RBFOX1: variants seen among roughly 807,000 people sequenced by gnomAD.
The protein encoded by RBFOX1 is RNA binding protein fox-1 homolog 1.
RBFOX1 carries 8 observed loss-of-function variants against 57.7 expected under a neutral mutation model. The observed-to-expected ratio is 0.14, with a 90% confidence interval of 0.08 to 0.25. RBFOX1 has a LOEUF of 0.25. Among genes scored for constraint, RBFOX1 ranks in the 10% least tolerant of loss-of-function variants. The pLI, the probability that RBFOX1 is intolerant of heterozygous loss-of-function variation, is 1.00. For synonymous variants in RBFOX1, 326 were observed against 222.4 expected, an observed-to-expected ratio of 1.47 and a Z score of -4.15; for missense variants, 611 against 548.5, an observed-to-expected ratio of 1.11 and a Z score of -1.14.
chr16:5,328,662 G>T (rs1273672345), intron 1 of RBFOX1, among the ~76,000 whole-genome samples: 1 of 152,186 alleles, frequency 6.6e-6, no homozygotes, highest in East Asian at 1.9e-4. Context: ...ATGCTCTCCA[G>T]CCCTGCCATA....
chr16:6,922,615 C>T (rs559791433), intron 3 of RBFOX1, among the ~76,000 whole-genome samples: 2 of 152,238 alleles, frequency 1.3e-5, no homozygotes, highest in South Asian at 2.1e-4. Context: ...CTTTTACTTG[C>T]TGACTGTTGA....
chr16:6,315,577 ATAGATGGATGGATGGATAGATGGATG>A (rs1321931833), intron 1 of RBFOX1, among the ~76,000 whole-genome samples: 12 of 71,886 alleles, frequency 1.7e-4, no homozygotes, highest in Admixed American at 1.5e-3. Context: ...GGATGGATGG[ATAGATGGATGGATGGATAGATGGATG>A]GATGAATGAG....
At chr16:7,221,157 T>G (rs1197533447) in intron 4 of RBFOX1, among the ~76,000 whole-genome samples, 1 of 152,066 alleles carries the variant, frequency 6.6e-6, no homozygotes, top group Non-Finnish European at 1.5e-5. Flanking sequence ...CTCTATAATA[T>G]CTCCCTGTGT....
At chr16:5,968,368 C>G (rs551148470) in intron 4 of RBFOX1, among the ~76,000 whole-genome samples, 136 of 152,290 alleles carry the variant, frequency 8.9e-4, no homozygotes, top group Middle Eastern at 3.4e-3. Flanking sequence ...AGCCACTGCC[C>G]TGGCCTCTCC....
intron 2 of RBFOX1, among the ~76,000 whole-genome samples, chr16:6,400,466 G>A (rs984606298): frequency 1.3e-5 from 2 of 152,184 alleles, no homozygotes; most frequent in Non-Finnish European, 2.9e-5. Context: ...AGCTATAGAT[G>A]CTGTAAATTT....
chr16:6,037,468 C>G (rs1300975483), intron 1 of RBFOX1: 2 of 148,328 alleles, frequency 1.3e-5, no homozygotes, highest in African/African-American at 5.0e-5. Flanking sequence ...ATAATACTTT[C>G]AAGTTTTCAA....
intron 4 of RBFOX1, among the ~76,000 whole-genome samples, chr16:7,468,732 A>T (rs559508003): frequency 6.6e-6 from 1 of 152,262 alleles, no homozygotes; most frequent in South Asian, 2.1e-4. Flanking sequence ...GTCTGGGGTC[A>T]GCCTCTGAGC....
At chr16:7,256,042 T>C (rs1352359184) in intron 4 of RBFOX1, among the ~76,000 whole-genome samples, 1 of 152,250 alleles carries the variant, frequency 6.6e-6, no homozygotes, top group African/African-American at 2.4e-5. Flanking sequence ...AATGAATACA[T>C]ACTGCCTTTG....
At chr16:6,544,432 G>C (rs1358182453) in intron 2 of RBFOX1, among the ~76,000 whole-genome samples, 1 of 152,182 alleles carries the variant, frequency 6.6e-6, no homozygotes, top group Non-Finnish European at 1.5e-5. Context: ...CACTGGTCCA[G>C]CTTAGTTGAA....
chr16:5,240,076 G>C, exon 1 of RBFOX1: 1 of 1,531,800 alleles, frequency 6.5e-7, no homozygotes, highest in Non-Finnish European at 8.7e-7. Flanking sequence ...GGAGGAGACC[G>C]GCACCCAGAC....
chr16:6,270,769 G>A (rs80195241), intron 1 of RBFOX1, among the ~76,000 whole-genome samples: 48 of 152,212 alleles, frequency 3.2e-4, no homozygotes, highest in South Asian at 8.3e-4. Context: ...AGCAGAAGGC[G>A]TTTCTTTTTC....
chr16:5,753,609 C>A (rs2053292377), intron 3 of RBFOX1, among the ~76,000 whole-genome samples: 1 of 152,102 alleles, frequency 6.6e-6, no homozygotes, highest in Admixed American at 6.5e-5. Flanking sequence ...TTTAAGGAAA[C>A]CTACCAGCTG....
At chr16:6,872,013 T>A (rs2060998134) in intron 3 of RBFOX1, among the ~76,000 whole-genome samples, 1 of 151,712 alleles carries the variant, frequency 6.6e-6, no homozygotes, top group African/African-American at 2.4e-5. Context: ...TACTCAATCC[T>A]ATTGTTCATT....
chr16:7,080,889 C>A (rs989936912), intron 4 of RBFOX1, among the ~76,000 whole-genome samples: 27 of 152,308 alleles, frequency 1.8e-4, no homozygotes, highest in Admixed American at 1.7e-3. Flanking sequence ...ATAAGTCATT[C>A]CCTCCTTGAC....
At chr16:7,122,971 C>T (rs2067538891) in intron 4 of RBFOX1, among the ~76,000 whole-genome samples, 1 of 151,846 alleles carries the variant, frequency 6.6e-6, no homozygotes, top group Non-Finnish European at 1.5e-5. Flanking sequence ...TGTATAAATC[C>T]ATTCCTATGA....
intron 4 of RBFOX1, among the ~76,000 whole-genome samples, chr16:7,230,529 C>T (rs990812992): frequency 6.6e-5 from 10 of 152,242 alleles, no homozygotes; most frequent in East Asian, 3.9e-4. Flanking sequence ...CACTGCTTGA[C>T]AGATTCAGCC....
chr16:6,170,451 T>C (rs2096951836), intron 1 of RBFOX1, among the ~76,000 whole-genome samples: 1 of 152,178 alleles, frequency 6.6e-6, no homozygotes, highest in Non-Finnish European at 1.5e-5. Context: ...CCTCTTCTGC[T>C]CTGAGCCCCG....
chr16:6,351,779 A>G lies in RBFOX1; in HGVS notation c.-64+34722A>G, dbSNP rs575568491. Among the ~76,000 whole-genome samples, 7 of 152,320 alleles carry G rather than the reference A, an allele frequency of 4.6e-5. No homozygotes were observed. The East Asian group carries it at 1.4e-3, about 29-fold the overall frequency. Reference sequence around the variant, plus strand: ...TATTCTCATATATTAAATACATGTTATTTCAGAAATGGAAGGCAAAATAAG... The same window carrying G: ...TATTCTCATATATTAAATACATGTTGTTTCAGAAATGGAAGGCAAAATAAG... On this transcript the variant is annotated intron_variant, in intron 2 of 15. Transcript: ENST00000550418.
intron 3 of RBFOX1, among the ~76,000 whole-genome samples, chr16:6,724,506 C>A (rs115615567): frequency 0.047 from 7,082 of 152,172 alleles, 504 homozygotes; most frequent in African/African-American, 0.15. Flanking sequence ...CCACACCTGG[C>A]TGCCATCTTC....
Sources: allele counts gnomAD v4.1 joint callset (sites outside exome capture counted in the v4.1 genomes callset), GRCh38; gene constraint gnomAD v4.1.1; transcripts MANE v1.5; gene names NCBI Gene and HGNC (gene_info 2026-07-23, HGNC 2026-07-21).